PFDN4: variants seen among roughly 807,000 people sequenced by gnomAD.
The protein encoded by PFDN4 is prefoldin 4.
Under a neutral mutation model 17.6 loss-of-function variants are expected in PFDN4, and 6 were observed. The observed-to-expected ratio is 0.34, with a 90% CI of 0.19 to 0.67. The LOEUF is 0.67. Among genes scored for constraint, PFDN4 ranks in the 30% least tolerant of loss-of-function variants. The pLI, the probability that PFDN4 is intolerant of heterozygous loss-of-function variation, is 0.68. For missense variants in PFDN4, 119 were observed against 158.4 expected (o/e 0.75, Z 1.33); for synonymous variants, 48 against 51.1 (o/e 0.94, Z 0.26).
intron 1 of PFDN4, among the ~76,000 whole-genome samples, chr20:54,212,056 G>A (rs1301748630): frequency 6.6e-6 from 1 of 152,106 alleles, no homozygotes; most frequent in African/African-American, 2.4e-5. Flanking sequence ...AGCCGGACAT[G>A]GTGGCATGTG....
intron 3 of PFDN4, among the ~76,000 whole-genome samples, chr20:54,216,072 AT>A (rs2092762084): frequency 6.6e-6 from 1 of 152,164 alleles, no homozygotes; most frequent in Non-Finnish European, 1.5e-5. Context: ...TGTTTCCAAT[AT>A]TTTGCTGTAC....
intron 1 of PFDN4, chr20:54,208,341 G>A (rs2092750902): frequency 4.5e-6 from 2 of 445,872 alleles, no homozygotes; most frequent in Non-Finnish European, 3.9e-6. Flanking sequence ...GGGGCGCCGG[G>A]GCTGGGGCCG....
At chr20:54,208,307 C>T (rs970832952) in intron 1 of PFDN4, 183 bp downstream of exon 1, 7 of 506,968 alleles carry the variant, frequency 1.4e-5, no homozygotes, top group Admixed American at 8.9e-5. Context: ...TGAGCGTTTT[C>T]CTAGGCACCT....
intron 2 of PFDN4, among the ~76,000 whole-genome samples, chr20:54,215,087 G>A (rs955179171): frequency 5.3e-5 from 8 of 152,174 alleles, no homozygotes; most frequent in Non-Finnish European, 1.0e-4. Flanking sequence ...ACCACAGGGC[G>A]CTTATTGTCC....
chr20:54,218,589 G>T (rs1024275212), intron 3 of PFDN4, among the ~76,000 whole-genome samples: 3 of 152,130 alleles, frequency 2.0e-5, no homozygotes, highest in African/African-American at 7.2e-5. Context: ...GCCAGATTTG[G>T]ATCATAAGTT....
Position 54,210,811 on chromosome 20 carries a change from AG to A in PFDN4, c.24+2689del, listed in dbSNP as rs1209009272. The stretch of plus-strand genomic sequence containing the variant: ...TTGTTTTTTGCTCTCTTCCTCCACC[AG>A]GATGTATGCTTGCCATTTGTATTCA... On this transcript the variant is annotated intron_variant, in intron 1 of 3. Transcript: ENST00000371419. 7.9e-5 allele frequency among the ~76,000 whole-genome samples: 12 copies of A among 152,316 alleles called. No homozygotes were observed. In the South Asian group the frequency reaches 2.5e-3, roughly 32 times the overall value.
chr20:54,218,651 A>T (rs910545311), intron 3 of PFDN4, among the ~76,000 whole-genome samples: 2 of 152,154 alleles, frequency 1.3e-5, no homozygotes, highest in African/African-American at 4.8e-5. Flanking sequence ...CATTTCCTGT[A>T]GTCTCATAGT....
intron 3 of PFDN4, among the ~76,000 whole-genome samples, chr20:54,216,064 T>C (rs2092762054): frequency 6.6e-6 from 1 of 152,250 alleles, no homozygotes; most frequent in African/African-American, 2.4e-5. Context: ...CATTAATTTG[T>C]TTCCAATATT....
intron 3 of PFDN4, among the ~76,000 whole-genome samples, chr20:54,216,713 A>G (rs577274678): frequency 4.0e-5 from 6 of 151,612 alleles, no homozygotes; most frequent in African/African-American, 7.3e-5. Flanking sequence ...CTGGAGTGCA[A>G]TGGCGCAATC....
chr20:54,219,249 T>A lies in PFDN4; in HGVS notation c.*99T>A. On this transcript the variant is annotated 3_prime_UTR_variant, in exon 4 of 4. Coordinates refer to ENST00000371419, the MANE Select transcript of PFDN4 (RefSeq NM_002623.4). The stretch of plus-strand genomic sequence containing the variant: ...ATGACATGGAAAGCAAAACTTTCTT[T>A]TTTAAAAATTTTCATTTATTTAATG... The A allele has an allele frequency of 1.4e-6, 1 of 717,090 alleles. No individual in the cohort carries two copies. Among genetic ancestry groups the A allele is most frequent in the Non-Finnish European group, 2.1e-6 (1 of 467,340 alleles). The allele number at this position is 717,090 out of a possible 1,614,324, so 44.4% of individuals were successfully genotyped here.
rs762623876 is a variant in PFDN4 at position 54,214,377 on chromosome 20, C to G, written c.51C>G (p.Phe17Leu). ...KAAAEDVNVT[F>L]EDQQKINKFA... The stretch of plus-strand genomic sequence containing the variant: ...CTGCAGAAGATGTCAATGTTACTTT[C>G]GAAGATCAACAAAAGATAAACAAAT... Residue 17 changes from phenylalanine (F) to leucine (L), a missense_variant, in exon 2 of 4, where the codon TTC becomes TTG. By Grantham distance (22) the Phe-to-Leu change is conservative. Transcript: ENST00000371419. The G allele has an allele frequency of 6.3e-7, 1 of 1,592,346 alleles. No individual in the cohort carries two copies. The highest frequency in any genetic ancestry group is 8.6e-7 in the Non-Finnish European group (1 of 1,165,732).
chr20:54,208,269 C>G, intron 1 of PFDN4, 145 bp downstream of exon 1: 1 of 678,850 alleles, frequency 1.5e-6, no homozygotes, highest in Admixed American at 4.3e-5. Flanking sequence ...AGCGGTCCCG[C>G]GGCAAGGCCT....
At chr20:54,208,185 C>G in intron 1 of PFDN4, 61 bp downstream of exon 1, 1 of 1,457,140 alleles carries the variant, frequency 6.9e-7, no homozygotes, top group Non-Finnish European at 9.1e-7. Flanking sequence ...CCGCTGGGGC[C>G]CGGGCGCGGG....
At position 54,219,267 on chromosome 20, in the gene PFDN4, A is replaced by T; in HGVS notation, c.*117A>T. 1 of 628,156 alleles carries T rather than the reference A, an allele frequency of 1.6e-6. No individual in the cohort carries two copies. 38.9% of individuals were successfully genotyped at this position (628,156 alleles called of 1,614,324 possible). A position where few individuals can be genotyped will look rare whatever the true frequency, so the allele number is the denominator to read the frequency against. ...CTTTCTTTTTTAAAAATTTTCATTT[A>T]TTTAATGGAAACTTGCCCATTTTCA... On this transcript the variant is annotated 3_prime_UTR_variant, in exon 4 of 4. Transcript: ENST00000371419.
chr20:54,218,074 G>C (rs1272791849), intron 3 of PFDN4, among the ~76,000 whole-genome samples: 1 of 151,500 alleles, frequency 6.6e-6, no homozygotes, highest in East Asian at 1.9e-4. Flanking sequence ...ATATTCTTTG[G>C]TTTCTAATGT....
Position 54,219,814 on chromosome 20 carries a change from GT to G in PFDN4, c.*670del. On this transcript the variant is annotated 3_prime_UTR_variant, in exon 4 of 4. Coordinates refer to ENST00000371419, the MANE Select transcript of PFDN4 (RefSeq NM_002623.4). ...AGATGTGCAGAAAGAAATGTTTAGTGTTTTTTCGTTTTAAATTTTAGATTTT... is the reference window on the plus strand; with the variant it reads ...AGATGTGCAGAAAGAAATGTTTAGTGTTTTTCGTTTTAAATTTTAGATTTT... The G allele has an allele frequency of 2.5e-6, 1 of 397,946 alleles. No individual in the cohort carries two copies. The highest frequency in any genetic ancestry group is 3.6e-5 in the East Asian group (1 of 27,962). The allele number at this position is 397,946 out of a possible 1,614,324, so 24.7% of individuals were successfully genotyped here.
intron 3 of PFDN4, among the ~76,000 whole-genome samples, chr20:54,217,062 C>G (rs556965023): frequency 1.5e-3 from 225 of 152,210 alleles, no homozygotes; most frequent in African/African-American, 4.4e-3. Context: ...GACAACAAAA[C>G]CTGCCTGGCC....
intron 1 of PFDN4, among the ~76,000 whole-genome samples, chr20:54,212,733 C>T (rs1217450274): frequency 6.6e-6 from 1 of 152,244 alleles, no homozygotes; most frequent in Non-Finnish European, 1.5e-5. Context: ...ACTCTTCAGG[C>T]AAACAGGAAC....
intron 1 of PFDN4, among the ~76,000 whole-genome samples, chr20:54,212,038 C>A (rs535864432): frequency 6.6e-6 from 1 of 152,000 alleles, no homozygotes; most frequent in Non-Finnish European, 1.5e-5. Context: ...ACTAAAAATA[C>A]GAAAATTAGC....
Sources: gnomAD v4.1 joint callset for allele counts (sites outside exome capture counted in the v4.1 genomes callset) on GRCh38, gnomAD v4.1.1 for gene constraint, MANE v1.5 for transcripts, NCBI Gene and HGNC (gene_info 2026-07-23, HGNC 2026-07-21) for gene names.